Variants in MSH4 observed in about 807,000 individuals in gnomAD.
MSH4 encodes mutS homolog 4, also known as mutS protein homolog 4.
A neutral mutation model predicts 113.7 loss-of-function variants in MSH4; 106 were observed. The observed-to-expected ratio is 0.93, with a 90% CI of 0.80 to 1.10. MSH4 has a LOEUF of 1.10. Ranked by LOEUF, MSH4 falls within the 50% of genes least tolerant of loss-of-function variation. The pLI, the probability that MSH4 is intolerant of heterozygous loss-of-function variation, is 0.00. For synonymous variants in MSH4, 368 were observed against 380.2 expected (o/e 0.97, Z 0.37); for missense variants, 1,061 against 1,093.7 (o/e 0.97, Z 0.42).
At chr1:75,800,535 A>T (rs796327493) in intron 1 of MSH4, among the ~76,000 whole-genome samples, 1 of 152,154 alleles carries the variant, frequency 6.6e-6, no homozygotes, top group Non-Finnish European at 1.5e-5. Context: ...ACCAAAGAAG[A>T]TACAGGCTTA....
At chr1:75,834,162 A>C (rs910239470) in intron 7 of MSH4, among the ~76,000 whole-genome samples, 1 of 152,260 alleles carries the variant, frequency 6.6e-6, no homozygotes, top group African/African-American at 2.4e-5. Flanking sequence ...TTATGCATCC[A>C]ACAGACACAT....
intron 6 of MSH4, among the ~76,000 whole-genome samples, chr1:75,821,149 C>T (rs1146655): frequency 0.86 from 126,119 of 146,400 alleles, 54,591 homozygotes; most frequent in South Asian, 0.94. Context: ...GACCACATAG[C>T]TGGAAGTAAA....
At chr1:75,830,755 C>T (rs998672585) in intron 7 of MSH4, among the ~76,000 whole-genome samples, 8 of 152,164 alleles carry the variant, frequency 5.3e-5, no homozygotes, top group African/African-American at 1.9e-4. Context: ...ATTCTGTCAC[C>T]ACCAGGCCTG....
chr1:75,897,549 G>A (rs1032697602), intron 17 of MSH4, among the ~76,000 whole-genome samples: 7 of 152,010 alleles, frequency 4.6e-5, no homozygotes, highest in African/African-American at 1.7e-4. Context: ...TTGCATGTGA[G>A]TTACCTTCCT....
At chr1:75,893,176 A>T (rs750454028) in intron 17 of MSH4, among the ~76,000 whole-genome samples, 2 of 152,132 alleles carry the variant, frequency 1.3e-5, no homozygotes, top group Non-Finnish European at 2.9e-5. Context: ...TTACTTTTTA[A>T]CTAAAACATT....
intron 3 of MSH4, among the ~76,000 whole-genome samples, chr1:75,810,354 C>T (rs5745355): frequency 0.071 from 10,804 of 151,372 alleles, 505 homozygotes; most frequent in African/African-American, 0.13. Flanking sequence ...TCTCATGCCT[C>T]AGCCTCCTGA....
Position 75,867,577 on chromosome 1 carries a change from G to T in MSH4, c.1294G>T (p.Asp432Tyr). The T allele has an allele frequency of 6.4e-7, 1 of 1,570,320 alleles. No individual in the cohort carries two copies. The highest frequency in any genetic ancestry group is 1.1e-5 in the South Asian group (1 of 87,856). The change falls in exon 9 of 20, where the codon GAT becomes TAT. Residue 432 changes from aspartate (D) to tyrosine (Y), a missense_variant. Transcript: ENST00000263187. ...IYLKHTLELV[D>Y]PLKIAMKNCN... ...CTTAAAACATACCTTGGAACTTGTG[G>T]ATCCTTTAAAGGTAATTTATGTGTG...
At chr1:75,842,967 C>T (rs142201510) in intron 7 of MSH4, among the ~76,000 whole-genome samples, 1,682 of 152,280 alleles carry the variant, frequency 0.011, 18 homozygotes, top group Middle Eastern at 0.027. Context: ...AGTCTGCCTT[C>T]GTGTTCCATC....
intron 16 of MSH4, 27 bp downstream of exon 16, chr1:75,889,396 T>C (rs1360693495): frequency 1.0e-6 from 1 of 995,254 alleles, no homozygotes; most frequent in Admixed American, 2.4e-5. Flanking sequence ...TTTCTTATGT[T>C]AAAAACATTA....
intron 8 of MSH4, among the ~76,000 whole-genome samples, chr1:75,859,796 G>T (rs1039341274): frequency 6.6e-6 from 1 of 152,190 alleles, no homozygotes; most frequent in Non-Finnish European, 1.5e-5. Flanking sequence ...TCAGAGTTGA[G>T]TTGAAGTCCT....
chr1:75,824,904 G>GTTTTTTTTTTTTT (rs71588855), intron 7 of MSH4, among the ~76,000 whole-genome samples: 13 of 120,246 alleles, frequency 1.1e-4, no homozygotes, highest in African/African-American at 3.1e-4. Flanking sequence ...CTTCAGCTTT[G>GTTTTTTTTTTTTT]TTTTTTTTTT....
At chr1:75,873,825 G>A (rs1407245374) in intron 9 of MSH4, among the ~76,000 whole-genome samples, 4 of 152,002 alleles carry the variant, frequency 2.6e-5, no homozygotes, top group East Asian at 1.9e-4. Context: ...TGTCACTCAC[G>A]GGTATTTGGT....
In MSH4 at chr1:75,902,067, A is replaced by T. The variant is rs564676192; in HGVS notation, c.2619+2361A>T. On this transcript the variant is annotated intron_variant, in intron 19 of 19. Transcript: ENST00000263187. ...TATTTAACATTTTTACCTAGCTCAG[A>T]TGTGAACTTCCCCAAGAAACTTCCC... Among the ~76,000 whole-genome samples the T allele has an allele frequency of 9.2e-5, 14 of 152,162 alleles. No individual in the cohort carries two copies. The South Asian group carries it at 2.7e-3, about 29-fold the overall frequency.
chr1:75,812,014 A>G (rs943877558), intron 4 of MSH4, among the ~76,000 whole-genome samples: 1 of 152,026 alleles, frequency 6.6e-6, no homozygotes, highest in Non-Finnish European at 1.5e-5. Flanking sequence ...ATAACTTTAT[A>G]CTTCTTTTCA....
At chr1:75,882,428 TC>T (rs1368585038) in intron 14 of MSH4, among the ~76,000 whole-genome samples, 1 of 151,908 alleles carries the variant, frequency 6.6e-6, no homozygotes, top group Non-Finnish European at 1.5e-5. Flanking sequence ...CTCTTCCTCC[TC>T]CCCCCACTTC....
At chr1:75,845,115 C>T (rs1651048156) in intron 7 of MSH4, among the ~76,000 whole-genome samples, 1 of 152,234 alleles carries the variant, frequency 6.6e-6, no homozygotes, top group South Asian at 2.1e-4. Context: ...AAAGGTCCCA[C>T]CTCTCAACAA....
intron 8 of MSH4, among the ~76,000 whole-genome samples, chr1:75,863,048 T>C (rs1651491681): frequency 6.6e-6 from 1 of 152,132 alleles, no homozygotes; most frequent in South Asian, 2.1e-4. Flanking sequence ...ATTTGAAAAA[T>C]TTATATTAAA....
chr1:75,893,930 G>A (rs1363952715), intron 17 of MSH4, among the ~76,000 whole-genome samples: 1 of 152,160 alleles, frequency 6.6e-6, no homozygotes, highest in Non-Finnish European at 1.5e-5. Flanking sequence ...GGCCCACCAT[G>A]AATGAGTTGC....
intron 18 of MSH4, among the ~76,000 whole-genome samples, chr1:75,898,431 G>A (rs1423778406): frequency 1.3e-5 from 2 of 151,688 alleles, no homozygotes; most frequent in African/African-American, 2.4e-5. Context: ...CAGTAGCAGG[G>A]TCCTTCCTCT....
Sources: gnomAD v4.1 joint callset for allele counts (sites outside exome capture counted in the v4.1 genomes callset) on GRCh38, gnomAD v4.1.1 for gene constraint, MANE v1.5 for transcripts, NCBI Gene and HGNC (gene_info 2026-07-23, HGNC 2026-07-21) for gene names.